SGMS1: variants seen among roughly 807,000 people sequenced by gnomAD.
SGMS1 encodes the protein phosphatidylcholine:ceramide cholinephosphotransferase 1.
In SGMS1, 13 loss-of-function variants were observed where a neutral mutation model predicts 46.2. The ratio of observed to expected loss-of-function variants is 0.28; its 90% CI spans 0.18 to 0.45. The LOEUF (loss-of-function observed/expected upper bound fraction) is 0.45. Among genes scored for constraint, SGMS1 ranks in the 20% least tolerant of loss-of-function variants. The pLI, the probability that SGMS1 is intolerant of heterozygous loss-of-function variation, is 1.00. For missense variants in SGMS1, 324 were observed against 519.9 expected (o/e 0.62, Z 3.66); for synonymous variants, 203 against 187.8 (o/e 1.08, Z -0.66).
chr10:50,608,010 C>T (rs569367507), intron 1 of SGMS1, among the ~76,000 whole-genome samples: 4 of 152,286 alleles, frequency 2.6e-5, no homozygotes, highest in South Asian at 2.1e-4. Flanking sequence ...CAGCACTGAT[C>T]GTATATGCTA....
At chr10:50,406,817 A>T (rs1331731168) in intron 6 of SGMS1, among the ~76,000 whole-genome samples, 2 of 150,344 alleles carry the variant, frequency 1.3e-5, no homozygotes, top group African/African-American at 2.5e-5. Context: ...AGACACTCCC[A>T]CCTCAGCCTC....
At chr10:50,440,185 G>A (rs560691100) in intron 5 of SGMS1, among the ~76,000 whole-genome samples, 2 of 151,976 alleles carry the variant, frequency 1.3e-5, no homozygotes, top group African/African-American at 4.8e-5. Flanking sequence ...AGGTAGCAAT[G>A]AGAGGTATCA....
At chr10:50,336,888 C>T (rs919357163) in intron 7 of SGMS1, among the ~76,000 whole-genome samples, 5 of 152,142 alleles carry the variant, frequency 3.3e-5, no homozygotes, top group Admixed American at 2.0e-4. Context: ...ACTCTAAAAT[C>T]AGTTAGTTTG....
chr10:50,425,563 A>C (rs10825978), intron 6 of SGMS1, among the ~76,000 whole-genome samples: 25,276 of 152,126 alleles, frequency 0.17, 2,587 homozygotes, highest in East Asian at 0.26. Context: ...CATGGATATA[A>C]AGATGCGAAC....
At chr10:50,529,299 A>C (rs953717593) in intron 2 of SGMS1, among the ~76,000 whole-genome samples, 3 of 152,204 alleles carry the variant, frequency 2.0e-5, no homozygotes, top group African/African-American at 7.2e-5. Flanking sequence ...CTAAGACTCA[A>C]CTCTGCCTCT....
At chr10:50,560,910 AC>A (rs1838231038) in intron 2 of SGMS1, among the ~76,000 whole-genome samples, 1 of 152,140 alleles carries the variant, frequency 6.6e-6, no homozygotes, top group Non-Finnish European at 1.5e-5. Context: ...AGGCTGCATT[AC>A]TCGGCAAGGG....
chr10:50,324,713 A>G (rs1847502211), intron 8 of SGMS1, among the ~76,000 whole-genome samples: 1 of 152,214 alleles, frequency 6.6e-6, no homozygotes, highest in Non-Finnish European at 1.5e-5. Flanking sequence ...CTAAAATTGA[A>G]TCTAATTAAG....
chr10:50,464,186 T>A lies in SGMS1; in HGVS notation c.-455+2704A>T, dbSNP rs540030966. Among the ~76,000 whole-genome samples the A allele has an allele frequency of 2.0e-5, 3 of 152,276 alleles. No individual in the cohort carries two copies. In the East Asian group the frequency reaches 5.8e-4, roughly 29 times the overall value. ...TTATATTATGTGTTTTTTACCACAATAAAAACAAACAAGAGATTATCCTGG... is the reference window on the plus strand; with the variant it reads ...TTATATTATGTGTTTTTTACCACAAAAAAAACAAACAAGAGATTATCCTGG... On this transcript the variant is annotated intron_variant, in intron 4 of 10. Coordinates refer to ENST00000361781, the MANE Select transcript of SGMS1 (RefSeq NM_147156.4).
chr10:50,338,791 G>A (rs1416721451), intron 7 of SGMS1, among the ~76,000 whole-genome samples: 1 of 150,738 alleles, frequency 6.6e-6, no homozygotes, highest in Admixed American at 6.6e-5. Context: ...CCAGGTTGGA[G>A]TGCAATGCTG....
chr10:50,403,090 G>A (rs1276399365), intron 6 of SGMS1, among the ~76,000 whole-genome samples: 1 of 152,194 alleles, frequency 6.6e-6, no homozygotes, highest in Non-Finnish European at 1.5e-5. Flanking sequence ...GTTCGAAGAA[G>A]TTTGTTCTTT....
chr10:50,440,403 T>C (rs1849529119), intron 5 of SGMS1, among the ~76,000 whole-genome samples: 1 of 152,088 alleles, frequency 6.6e-6, no homozygotes. Context: ...GGCTTATTTT[T>C]CCCCGCAGAG....
intron 3 of SGMS1, among the ~76,000 whole-genome samples, chr10:50,499,533 C>T (rs567506222): frequency 9.0e-4 from 137 of 152,298 alleles, no homozygotes; most frequent in African/African-American, 3.2e-3. Context: ...TATATATACT[C>T]ACCAAACCTC....
At chr10:50,585,656 T>C (rs1838476693) in intron 2 of SGMS1, among the ~76,000 whole-genome samples, 1 of 152,212 alleles carries the variant, frequency 6.6e-6, no homozygotes, top group Admixed American at 6.5e-5. Context: ...GTCATATTTT[T>C]GATTTATAGA....
intron 6 of SGMS1, among the ~76,000 whole-genome samples, chr10:50,344,833 T>C (rs112983933): frequency 1.6e-4 from 25 of 152,018 alleles, no homozygotes; most frequent in African/African-American, 5.3e-4. Flanking sequence ...GATCAGCCAC[T>C]GTACTCCAGC....
intron 3 of SGMS1, among the ~76,000 whole-genome samples, chr10:50,488,884 A>C (rs73316673): frequency 0.028 from 4,198 of 152,246 alleles, 83 homozygotes; most frequent in East Asian, 0.059. Flanking sequence ...CATTGGTCAT[A>C]GTTTCCTCAA....
intron 6 of SGMS1, among the ~76,000 whole-genome samples, chr10:50,347,011 TAAC>T (rs1304458051): frequency 6.6e-6 from 1 of 152,162 alleles, no homozygotes; most frequent in Non-Finnish European, 1.5e-5. Flanking sequence ...TCAGTCCATA[TAAC>T]AACCAATCAA....
chr10:50,540,562 C>CA lies in SGMS1; in HGVS notation c.-588-20642dup, dbSNP rs1472107098. Among the ~76,000 whole-genome samples the CA allele has an allele frequency of 4.6e-5, 7 of 152,144 alleles. No individual in the cohort carries two copies. In the East Asian group the frequency reaches 1.4e-3, roughly 29 times the overall value. On this transcript the variant is annotated intron_variant, in intron 2 of 10. Coordinates refer to ENST00000361781, the MANE Select transcript of SGMS1 (RefSeq NM_147156.4). ...GTTTCTAACCTAAGGCTTTCTCTGA[C>CA]AAAATGAGATTTAAGGGGGAACTAA... is the stretch of plus-strand genomic sequence containing the variant.
At chr10:50,619,428 C>A (rs1166224250) in intron 1 of SGMS1, among the ~76,000 whole-genome samples, 1 of 152,232 alleles carries the variant, frequency 6.6e-6, no homozygotes, top group East Asian at 1.9e-4. Context: ...CACAGAACCA[C>A]TTATGTAAAT....
rs35240090 is a variant in SGMS1 at position 50,587,633 on chromosome 10, ATGTGTGTG to A, written c.-589+2512_-589+2519del. On this transcript the variant is annotated intron_variant, in intron 2 of 10. Transcript: ENST00000361781. ...AGCAAGACTGCATCTCAAAATATATATGTGTGTGTGTGTGTGTGTGTGTGTGTGTGTGT... is the reference window on the plus strand; with the variant it reads ...AGCAAGACTGCATCTCAAAATATATATGTGTGTGTGTGTGTGTGTGTGTGT... Among the ~76,000 whole-genome samples, 1,016 of 138,256 alleles carry A rather than the reference ATGTGTGTG, an allele frequency of 7.3e-3. 9 individuals carry two copies. The highest frequency in any genetic ancestry group is 0.027 in the African/African-American group (972 of 36,186). The allele number at this position is 138,256 out of a possible 152,430, so 90.7% of individuals were successfully genotyped here.
Sources: gnomAD v4.1 joint callset for allele counts (sites outside exome capture counted in the v4.1 genomes callset) on GRCh38, gnomAD v4.1.1 for gene constraint, MANE v1.5 for transcripts, NCBI Gene and HGNC (gene_info 2026-07-23, HGNC 2026-07-21) for gene names.